Variants in NINJ2 observed in about 807,000 individuals in gnomAD.
NINJ2 encodes the protein ninjurin-2.
Under a neutral mutation model 11.7 loss-of-function variants are expected in NINJ2, and 12 were observed. The ratio of observed to expected loss-of-function variants is 1.02; its 90% confidence interval spans 0.66 to 1.66. The LOEUF (loss-of-function observed/expected upper bound fraction) is 1.66, where lower values mean the gene tolerates loss of function less well. Among genes scored for constraint, NINJ2 ranks in the 40% most tolerant of loss-of-function variants. The pLI is 0.00. For missense variants in NINJ2, 187 were observed against 181.8 expected (o/e 1.03, Z -0.16); for synonymous variants, 93 against 76.8 (o/e 1.21, Z -1.10).
chr12:650,444 A>G (rs981896060), intron 1 of NINJ2, among the ~76,000 whole-genome samples: 1 of 152,174 alleles, frequency 6.6e-6, no homozygotes, highest in Non-Finnish European at 1.5e-5. Flanking sequence ...TCACGCCTGT[A>G]ATCCCATCAC....
intron 1 of NINJ2, chr12:610,508 C>A: frequency 6.6e-7 from 1 of 1,513,400 alleles, no homozygotes. Context: ...CCGTGGGTCC[C>A]CACAGCGGCC....
intron 1 of NINJ2, among the ~76,000 whole-genome samples, chr12:567,467 A>G (rs1947316779): frequency 6.6e-6 from 1 of 152,242 alleles, no homozygotes; most frequent in Non-Finnish European, 1.5e-5. Flanking sequence ...AGTATAAAAT[A>G]AAGCTTCATG....
rs770404631 is a variant in NINJ2, at chr12:591,731, G to A, written c.34-25553C>T. Among the ~76,000 whole-genome samples, 20 of 152,186 alleles carry A rather than the reference G, an allele frequency of 1.3e-4. No individual in the cohort carries two copies. Among genetic ancestry groups the A allele is most frequent in the Non-Finnish European group, 2.5e-4 (17 of 68,032 alleles). On this transcript the variant is annotated intron_variant, in intron 1 of 3. Coordinates refer to ENST00000305108, the MANE Select transcript of NINJ2 (RefSeq NM_016533.6). This position sits in a 1 kb window ranked among gnomAD's most constrained non-coding sequence, Gnocchi z 5.0. ...TCCCTTGGGCACGTCTTATCTTATC[G>A]TGCAGCTGGGCTGGGGGTGCTGCCA...
intron 1 of NINJ2, among the ~76,000 whole-genome samples, chr12:595,913 T>A (rs746960523): frequency 2.6e-5 from 4 of 152,100 alleles, no homozygotes; most frequent in African/African-American, 4.8e-5. Context: ...AAATGGCAAG[T>A]AAGTATATAA....
At chr12:642,209 T>C (rs1370930784) in intron 1 of NINJ2, among the ~76,000 whole-genome samples, 4 of 152,230 alleles carry the variant, frequency 2.6e-5, no homozygotes, top group African/African-American at 9.6e-5. Context: ...AAAAAGTCTA[T>C]GCAAAATGCC....
At chr12:574,170 C>T (rs953091361) in intron 1 of NINJ2, among the ~76,000 whole-genome samples, 1 of 151,844 alleles carries the variant, frequency 6.6e-6, no homozygotes, top group African/African-American at 2.4e-5. Flanking sequence ...TGCAGTGAGC[C>T]GAGATGGTGC....
At chr12:567,523 A>ATGGTGG (rs1190433131) in intron 1 of NINJ2, among the ~76,000 whole-genome samples, 1 of 152,198 alleles carries the variant, frequency 6.6e-6, no homozygotes, top group Non-Finnish European at 1.5e-5. Flanking sequence ...GGGTGGATGG[A>ATGGTGG]TGGATGCGTG....
At chr12:565,539 T>C in intron 2 of NINJ2, 138 bp from the exon 3 acceptor site, 1 of 903,098 alleles carries the variant, frequency 1.1e-6, no homozygotes. Context: ...GTGGTCGTCA[T>C]CGGGCTGAGA....
intron 1 of NINJ2, among the ~76,000 whole-genome samples, chr12:569,127 G>A (rs1432470963): frequency 1.3e-5 from 2 of 152,354 alleles, no homozygotes; most frequent in East Asian, 1.9e-4. Flanking sequence ...AGGTAGGGAT[G>A]GAGGGTAAAT....
intron 1 of NINJ2, among the ~76,000 whole-genome samples, chr12:595,874 T>C (rs1326140488): frequency 6.6e-6 from 1 of 152,236 alleles, no homozygotes; most frequent in African/African-American, 2.4e-5. Flanking sequence ...CAAAGACGTC[T>C]TCACAGACAC....
rs1158485449 is a variant in NINJ2, at chr12:633,262, C to T, written c.33+30066G>A. Among the ~76,000 whole-genome samples the T allele has an allele frequency of 2.0e-5, 3 of 151,968 alleles. No homozygotes were observed. The highest frequency in any genetic ancestry group is 4.4e-5 in the Non-Finnish European group (3 of 68,000). On this transcript the variant is annotated intron_variant, in intron 1 of 3. Transcript: ENST00000305108. This position sits in a 1 kb window ranked among gnomAD's most constrained non-coding sequence, Gnocchi z 4.3. ...CCTGTAATCCTAGCTCTTTGGGAGG[C>T]CGAGGTGGATGGATCACCTGAAGTC... is the stretch of plus-strand genomic sequence containing the variant.
At position 578,090 on chromosome 12, in the gene NINJ2, C is replaced by A. The variant is rs148922310; in HGVS notation, c.34-11912G>T. On this transcript the variant is annotated intron_variant, in intron 1 of 3. Coordinates refer to ENST00000305108, the MANE Select transcript of NINJ2 (RefSeq NM_016533.6). ...TAATCAGTTATTTGTATAAGAAAAG[C>A]ACTGTGAAGATCCCTGTCCTGTTCT... Among the ~76,000 whole-genome samples the A allele has an allele frequency of 3.5e-3, 527 of 152,286 alleles. 1 individual carries two copies. Among genetic ancestry groups the A allele is most frequent in the African/African-American group, 0.012 (497 of 41,550 alleles).
chr12:611,250 TC>T, intron 1 of NINJ2, among the ~76,000 whole-genome samples: 41 of 79,898 alleles, frequency 5.1e-4, no homozygotes, highest in African/African-American at 2.5e-3. Context: ...TTTCTTTCTC[TC>T]TCTCTCTTTC....
At chr12:596,596 T>C (rs1019335460) in intron 1 of NINJ2, among the ~76,000 whole-genome samples, 1 of 152,078 alleles carries the variant, frequency 6.6e-6, no homozygotes, top group South Asian at 2.1e-4. Context: ...AAAGACAAGA[T>C]AGTGACTCAA....
At chr12:596,785 G>A (rs146752717) in intron 1 of NINJ2, among the ~76,000 whole-genome samples, 4 of 152,122 alleles carry the variant, frequency 2.6e-5, no homozygotes, top group East Asian at 1.9e-4. Flanking sequence ...TTAGCCGGGC[G>A]TGGCGGCGTG....
chr12:608,136 A>C (rs376387439), intron 1 of NINJ2, among the ~76,000 whole-genome samples: 40 of 152,272 alleles, frequency 2.6e-4, no homozygotes, highest in African/African-American at 9.6e-4. Flanking sequence ...ATTGTCCACC[A>C]ATTACGTGGC....
At chr12:578,155 GTACCC>G (rs1393653942) in intron 1 of NINJ2, among the ~76,000 whole-genome samples, 19 of 152,018 alleles carry the variant, frequency 1.2e-4, no homozygotes, top group African/African-American at 3.9e-4. Flanking sequence ...CCCCGGTCAC[GTACCC>G]CCTGATTACT....
intron 1 of NINJ2, among the ~76,000 whole-genome samples, chr12:570,515 C>A (rs1056494116): frequency 6.6e-6 from 1 of 152,214 alleles, no homozygotes; most frequent in Non-Finnish European, 1.5e-5. Flanking sequence ...AGCAGGGTGG[C>A]CCCCGCTCCC....
intron 1 of NINJ2, among the ~76,000 whole-genome samples, chr12:600,728 G>A (rs977591952): frequency 1.3e-5 from 2 of 150,040 alleles, no homozygotes; most frequent in Non-Finnish European, 1.5e-5. Flanking sequence ...TGCTGCCCAG[G>A]CTGGAGTGCA....
Sources: gnomAD v4.1 joint callset for allele counts (sites outside exome capture counted in the v4.1 genomes callset) on GRCh38, gnomAD v4.1.1 for gene constraint, Gnocchi (gnomAD v3.1) non-coding constraint, MANE v1.5 for transcripts, NCBI Gene and HGNC (gene_info 2026-07-23, HGNC 2026-07-21) for gene names.